Variants in ACP5 observed in about 807,000 individuals in gnomAD.
ACP5 encodes the protein acid phosphatase 5, tartrate resistant.
A neutral mutation model predicts 28.7 loss-of-function variants in ACP5; 24 were observed. The ratio of observed to expected loss-of-function variants is 0.84; its 90% CI spans 0.61 to 1.18. ACP5 has a LOEUF of 1.18. Among genes scored for constraint, ACP5 ranks in the 50% most tolerant of loss-of-function variants. The pLI is 0.00. For synonymous variants in ACP5, 154 were observed against 181.4 expected, an observed-to-expected ratio of 0.85 and a Z score of 1.21; for missense variants, 354 against 422.2, an observed-to-expected ratio of 0.84 and a Z score of 1.42.
intron 3 of ACP5, 30 bp from the exon 4 acceptor site, chr19:11,576,618 C>T (rs1973166355): frequency 6.2e-7 from 1 of 1,613,544 alleles, no homozygotes; most frequent in South Asian, 1.1e-5. Flanking sequence ...CGTGGGTGCA[C>T]ATCTTGGGCG....
In ACP5 at chr19:11,576,601, T is replaced by G; in HGVS notation, c.390-13A>C. 3 of 1,613,464 alleles carry G rather than the reference T, an allele frequency of 1.9e-6. No individual in the cohort carries two copies. In the South Asian group the frequency reaches 3.3e-5, roughly 18 times the overall value. ...GCTGGGGAAGTTCCTGTGGAGGGGATAGAGGTCGTGGGTGCACATCTTGGG... is the reference window on the plus strand; with the variant it reads ...GCTGGGGAAGTTCCTGTGGAGGGGAGAGAGGTCGTGGGTGCACATCTTGGG... On this transcript the variant is annotated splice_polypyrimidine_tract_variant and intron_variant, in intron 3 of 4. Coordinates refer to ENST00000648477, the MANE Select transcript of ACP5 (RefSeq NM_001611.5).
rs1973077682 is a variant in ACP5 at position 11,575,102 on chromosome 19, CCA to C, written c.884_885del (p.Val295GlyfsTer21). 1.2e-6 allele frequency: 2 copies of C among 1,614,210 alleles called. No homozygotes were observed. Among genetic ancestry groups the C allele is most frequent in the Non-Finnish European group, 1.7e-6 (2 of 1,180,036 alleles). On this transcript the variant is annotated frameshift_variant, in exon 5 of 5. Transcript: ENST00000648477. LOFTEE classifies it high-confidence loss of function. ...TEDSLGGFAY[V>X]EISSKEMTVT... is the part of the protein sequence containing the mutation. Reference sequence around the variant, plus strand: ...ACAGTCATCTCTTTGGAGCTGATCTCCACATAGGCAAAGCCACCCAGTGAGTC... The same window carrying C: ...ACAGTCATCTCTTTGGAGCTGATCTCCATAGGCAAAGCCACCCAGTGAGTC...
rs985931290 is a variant in ACP5 at position 11,575,323 on chromosome 19, G to C, written c.736-71C>G. 1.7e-5 allele frequency: 27 copies of C among 1,588,024 alleles called. No homozygotes were observed. The South Asian group carries it at 2.6e-4, about 15-fold the overall frequency. On this transcript the variant is annotated intron_variant, in intron 4 of 4. Coordinates refer to ENST00000648477, the MANE Select transcript of ACP5 (RefSeq NM_001611.5). ...GAGCCCTGCCTAAGGTCCAGGGCTC[G>C]ATCTGGCCCTAACCACAGAGTCACC...
rs200380116 is a variant in ACP5, at chr19:11,577,228, G to A, written c.90C>T (p.Ala30=). The A allele has an allele frequency of 1.2e-5, 19 of 1,614,172 alleles. No individual in the cohort carries two copies. In the African/African-American group the frequency reaches 1.3e-4, roughly 11 times the overall value. Residue 30 remains alanine, a synonymous_variant, in exon 2 of 5, where the codon GCC becomes GCT. Transcript: ENST00000648477. The surrounding 1 kb of genome is among the most constrained non-coding windows in gnomAD (Gnocchi z 5.7). ...TGGGGACCCCTCCCCAGTCACCCAC[G>A]GCTACAAAGCGCAGGGCAGGGGTGG... The part of the protein sequence containing the change: ...DGATPALRFV[A]VGDWGGVPNA...
At position 11,577,474 on chromosome 19, in the gene ACP5, A is replaced by C. The variant is rs1179926605; in HGVS notation, c.-1+119T>G. On this transcript the variant is annotated intron_variant, in intron 1 of 4. Coordinates refer to ENST00000648477, the MANE Select transcript of ACP5 (RefSeq NM_001611.5). The surrounding 1 kb of genome is among the most constrained non-coding windows in gnomAD (Gnocchi z 5.7). ...CTAATTCTCAGGACACACAAGCTGC[A>C]CAAGGCTGCACAAGCTGGCTTAGGG... 2.4e-6 allele frequency: 2 copies of C among 824,930 alleles called. No individual in the cohort carries two copies. Among genetic ancestry groups the C allele is most frequent in the East Asian group, 2.7e-5 (1 of 37,644 alleles). 51.1% of individuals were successfully genotyped at this position (824,930 alleles called of 1,614,324 possible). A position where few individuals can be genotyped will look rare whatever the true frequency, so the allele number is the denominator to read the frequency against.
At chr19:11,576,649 C>G in intron 3 of ACP5, 61 bp from the exon 4 acceptor site, 1 of 1,613,808 alleles carries the variant, frequency 6.2e-7, no homozygotes, top group South Asian at 1.1e-5. Flanking sequence ...AGGGTCAGCT[C>G]AAGCCACAGG....
Position 11,577,640 on chromosome 19 carries a change from G to A in ACP5, c.-48C>T. 1 of 493,864 alleles carries A rather than the reference G, an allele frequency of 2.0e-6. No homozygotes were observed. The highest frequency in any genetic ancestry group is 1.9e-5 in the African/African-American group (1 of 51,730). 30.6% of individuals were successfully genotyped at this position (493,864 alleles called of 1,614,324 possible). A position where few individuals can be genotyped will look rare whatever the true frequency, so the allele number is the denominator to read the frequency against. On this transcript the variant is annotated 5_prime_UTR_variant, in exon 1 of 5. Transcript: ENST00000648477. This position sits in a 1 kb window ranked among gnomAD's most constrained non-coding sequence, Gnocchi z 5.7. ...CACCGGAGGCTCTGAGAGGCTGGTGGGCTCTAGAGTAGAACTGCCGGTCCC... is the reference window on the plus strand; with the variant it reads ...CACCGGAGGCTCTGAGAGGCTGGTGAGCTCTAGAGTAGAACTGCCGGTCCC...
At chr19:11,578,716 A>C (rs1468348790), upstream of ACP5, 3 of 152,294 alleles carry the variant, frequency 2.0e-5, no homozygotes, top group African/African-American at 7.2e-5. Flanking sequence ...TGGCTCACAG[A>C]TCTCCCCGGG....
intron 4 of ACP5, among the ~76,000 whole-genome samples, chr19:11,575,910 G>A (rs1460493664): frequency 1.3e-5 from 2 of 149,518 alleles, no homozygotes; most frequent in Non-Finnish European, 3.0e-5. Flanking sequence ...AGGCTGAAGT[G>A]GGAGGTTCAC....
intron 4 of ACP5, among the ~76,000 whole-genome samples, chr19:11,575,864 T>C (rs1401020384): frequency 2.7e-5 from 4 of 147,472 alleles, no homozygotes; most frequent in East Asian, 2.0e-4. Context: ...ATTAGCTGCA[T>C]GTGGTGGCCC....
chr19:11,577,569 C>T lies in ACP5; in HGVS notation c.-1+24G>A. The T allele has an allele frequency of 1.7e-6, 1 of 581,254 alleles. No individual in the cohort carries two copies. The highest frequency in any genetic ancestry group is 3.1e-6 in the Non-Finnish European group (1 of 323,998). 36.0% of individuals were successfully genotyped at this position (581,254 alleles called of 1,614,324 possible). A position where few individuals can be genotyped will look rare whatever the true frequency, so the allele number is the denominator to read the frequency against. On this transcript the variant is annotated intron_variant, in intron 1 of 4. Coordinates refer to ENST00000648477, the MANE Select transcript of ACP5 (RefSeq NM_001611.5). The surrounding 1 kb of genome is among the most constrained non-coding windows in gnomAD (Gnocchi z 5.7). ...CCTGCAGGCCCATTTCACCCTCCTTCCACCTAGCCTGCCCAGCACTCACCC... is the reference window on the plus strand; with the variant it reads ...CCTGCAGGCCCATTTCACCCTCCTTTCACCTAGCCTGCCCAGCACTCACCC...
intron 3 of ACP5, 54 bp downstream of exon 3, chr19:11,576,662 C>A (rs1265558820): frequency 1.2e-6 from 2 of 1,613,716 alleles, no homozygotes; most frequent in East Asian, 4.5e-5. Flanking sequence ...GCCACAGGGC[C>A]CCTGTGTCCC....
rs1193886529 is a variant in ACP5, at chr19:11,577,605, A to C, written c.-13T>G. 3.7e-6 allele frequency: 2 copies of C among 535,926 alleles called. No homozygotes were observed. The highest frequency in any genetic ancestry group is 6.8e-6 in the Non-Finnish European group (2 of 295,772). The allele number at this position is 535,926 out of a possible 1,614,324, so 33.2% of individuals were successfully genotyped here. A position where few individuals can be genotyped will look rare whatever the true frequency, so the allele number is the denominator to read the frequency against. ...GCCCAGCACTCACCCAGGGGGAGACACAGGCCAGTCACCGGAGGCTCTGAG... is the reference window on the plus strand; with the variant it reads ...GCCCAGCACTCACCCAGGGGGAGACCCAGGCCAGTCACCGGAGGCTCTGAG... On this transcript the variant is annotated 5_prime_UTR_variant, in exon 1 of 5. Transcript: ENST00000648477. This position sits in a 1 kb window ranked among gnomAD's most constrained non-coding sequence, Gnocchi z 5.7.
chr19:11,574,958 C>T lies in ACP5; in HGVS notation c.*52G>A. 1 of 1,611,700 alleles carries T rather than the reference C, an allele frequency of 6.2e-7. No homozygotes were observed. Among genetic ancestry groups the T allele is most frequent in the East Asian group, 2.2e-5 (1 of 44,872 alleles). ...CCTGTGAGCAGGGTCCCGGCAGGGC[C>T]CACCCACCCAACAGTGGAGATCGGG... On this transcript the variant is annotated 3_prime_UTR_variant, in exon 5 of 5. Coordinates refer to ENST00000648477, the MANE Select transcript of ACP5 (RefSeq NM_001611.5).
chr19:11,575,308 T>C (rs967296903), intron 4 of ACP5, 56 bp from the exon 5 acceptor site: 18 of 1,607,856 alleles, frequency 1.1e-5, no homozygotes, highest in African/African-American at 9.4e-5. Context: ...GAGCCCTGCC[T>C]AAGGTCCAGG....
rs774680683 is a variant in ACP5, at chr19:11,575,058, C to T, written c.930G>A (p.Ser310=). The change falls in exon 5 of 5, where the codon TCG becomes TCA. Residue 310 remains serine (S), a synonymous_variant. Transcript: ENST00000648477. ...GCCTGGTCTTAAAGAGGGACTTGCC[C>T]GAGGCCTCGATGTAAGTGACAGTCA... ...KEMTVTYIEA[S]GKSLFKTRLP... is the part of the protein sequence containing the mutation. 8.1e-6 allele frequency: 13 copies of T among 1,613,998 alleles called. No homozygotes were observed. Among genetic ancestry groups the T allele is most frequent in the South Asian group, 4.4e-5 (4 of 91,084 alleles).
upstream of ACP5, chr19:11,578,609 GGGC>G (rs1454565162): frequency 6.5e-6 from 1 of 152,680 alleles, no homozygotes; most frequent in Non-Finnish European, 1.5e-5. Flanking sequence ...CCTCCGTGCT[GGGC>G]GCCGCCGCGA....
chr19:11,574,752 ACC>A lies in ACP5; in HGVS notation c.*256_*257del. 1 of 351,542 alleles carries A rather than the reference ACC, an allele frequency of 2.8e-6. No individual in the cohort carries two copies. Among genetic ancestry groups the A allele is most frequent in the Non-Finnish European group, 5.5e-6 (1 of 181,112 alleles). The allele number at this position is 351,542 out of a possible 1,614,324, so 21.8% of individuals were successfully genotyped here. A position where few individuals can be genotyped will look rare whatever the true frequency, so the allele number is the denominator to read the frequency against. Reference sequence around the variant, plus strand: ...TTTCCCTCCCTCCCTCCCCCATTGCACCCCGGAACTCAGCAAAGGTGAGCCAG... The same window carrying A: ...TTTCCCTCCCTCCCTCCCCCATTGCACCGGAACTCAGCAAAGGTGAGCCAG... On this transcript the variant is annotated 3_prime_UTR_variant, in exon 5 of 5. Coordinates refer to ENST00000648477, the MANE Select transcript of ACP5 (RefSeq NM_001611.5).
intron 4 of ACP5, among the ~76,000 whole-genome samples, 161 bp downstream of exon 4, chr19:11,576,082 T>G (rs893770313): frequency 5.3e-5 from 8 of 151,306 alleles, no homozygotes; most frequent in Admixed American, 2.0e-4. Flanking sequence ...ATTCTGGCTT[T>G]GGAGTGTTTT....
Sources: allele counts gnomAD v4.1 joint callset (sites outside exome capture counted in the v4.1 genomes callset), GRCh38; gene constraint gnomAD v4.1.1; non-coding constraint Gnocchi (gnomAD v3.1); transcripts MANE v1.5; gene names NCBI Gene and HGNC (gene_info 2026-07-23, HGNC 2026-07-21).